CNTN5: variants seen among roughly 807,000 people sequenced by gnomAD.
CNTN5 encodes the protein contactin-5.
CNTN5 carries 77 observed loss-of-function variants against 129.1 expected under a neutral mutation model. The ratio of observed to expected loss-of-function variants is 0.60; its 90% CI spans 0.50 to 0.72. The LOEUF is 0.72. CNTN5 is among the 30% of genes least tolerant of loss of function. The pLI is 0.00. For synonymous variants in CNTN5, 509 were observed against 465.6 expected, an observed-to-expected ratio of 1.09 and a Z score of -1.20; for missense variants, 1,478 against 1,328.8, an observed-to-expected ratio of 1.11 and a Z score of -1.75.
rs578038928 is a variant in CNTN5 at position 99,669,900 on chromosome 11, T to C, written c.55+113631T>C. ...TCATAAGCAATAATGAAATATTCAG[T>C]TGCCAAAATCCAATGAGGGTTTTGG... is the stretch of plus-strand genomic sequence containing the variant. On this transcript the variant is annotated intron_variant, in intron 3 of 24. Transcript: ENST00000524871. Among the ~76,000 whole-genome samples, 4 of 152,302 alleles carry C rather than the reference T, an allele frequency of 2.6e-5. No homozygotes were observed. The South Asian group carries it at 8.3e-4, about 32-fold the overall frequency.
intron 3 of CNTN5, among the ~76,000 whole-genome samples, chr11:99,735,773 G>T (rs1014992229): frequency 1.3e-5 from 2 of 152,078 alleles, no homozygotes; most frequent in African/African-American, 4.8e-5. Flanking sequence ...ACCTCATACG[G>T]TTACCATCGT....
chr11:99,700,630 C>G (rs1044973514), intron 3 of CNTN5, among the ~76,000 whole-genome samples: 1 of 151,264 alleles, frequency 6.6e-6, no homozygotes, highest in Non-Finnish European at 1.5e-5. Context: ...ATAATAAAAG[C>G]CTTAATTTTG....
chr11:99,742,362 T>TATAC (rs1943913887), intron 3 of CNTN5, among the ~76,000 whole-genome samples: 1 of 85,520 alleles, frequency 1.2e-5, no homozygotes, highest in Admixed American at 1.2e-4. Context: ...TACATCAGAT[T>TATAC]GTACTTAACA....
chr11:99,857,753 G>A (rs1173601878), intron 6 of CNTN5, among the ~76,000 whole-genome samples: 1 of 151,978 alleles, frequency 6.6e-6, no homozygotes, highest in Non-Finnish European at 1.5e-5. Context: ...ACTGATTTTA[G>A]ATGTGATCCT....
intron 18 of CNTN5, among the ~76,000 whole-genome samples, chr11:100,291,815 A>G: frequency 6.6e-6 from 1 of 150,440 alleles, no homozygotes; most frequent in Admixed American, 6.6e-5. Context: ...AAAAATTAAA[A>G]AAAGGAAAAA....
At chr11:99,764,616 A>G (rs949107148) in intron 3 of CNTN5, among the ~76,000 whole-genome samples, 2 of 152,092 alleles carry the variant, frequency 1.3e-5, no homozygotes, top group Non-Finnish European at 2.9e-5. Flanking sequence ...GGGTTTCTTC[A>G]TGTTGGTCAG....
At chr11:100,351,140 C>CT (rs1165875745) in intron 24 of CNTN5, among the ~76,000 whole-genome samples, 1 of 151,512 alleles carries the variant, frequency 6.6e-6, no homozygotes, top group East Asian at 1.9e-4. Context: ...CAAGCAGTAC[C>CT]TTGCTAGCCA....
intron 2 of CNTN5, among the ~76,000 whole-genome samples, chr11:99,505,881 T>C (rs536495421): frequency 5.5e-4 from 83 of 152,292 alleles, no homozygotes; most frequent in African/African-American, 1.9e-3. Context: ...TGGTCATTGG[T>C]CCATAAATGA....
intron 4 of CNTN5, among the ~76,000 whole-genome samples, chr11:99,835,149 A>C (rs183656033): frequency 6.6e-6 from 1 of 152,340 alleles, no homozygotes; most frequent in African/African-American, 2.4e-5. Flanking sequence ...TGTGGCGGGT[A>C]AGATCAGTAC....
At chr11:99,844,805 CTTGCTAGT>C in intron 4 of CNTN5, 39 bp from the exon 5 acceptor site, 1 of 1,553,854 alleles carries the variant, frequency 6.4e-7, no homozygotes, top group African/African-American at 1.4e-5. Context: ...CACAAAATAT[CTTGCTAGT>C]TTAAGGAAAT....
chr11:99,550,460 G>A (rs573226494), intron 2 of CNTN5, among the ~76,000 whole-genome samples: 42 of 152,100 alleles, frequency 2.8e-4, no homozygotes, highest in African/African-American at 1.0e-3. Flanking sequence ...CCTTTTCTAT[G>A]AGCCCTATTC....
intron 1 of CNTN5, among the ~76,000 whole-genome samples, chr11:99,168,045 C>T (rs1449236244): frequency 2.0e-5 from 3 of 151,892 alleles, no homozygotes; most frequent in African/African-American, 4.8e-5. Flanking sequence ...AAAGGATTCC[C>T]CCCACTGCCT....
At chr11:99,114,424 T>TCTC (rs1565328094) in intron 1 of CNTN5, among the ~76,000 whole-genome samples, 1 of 151,466 alleles carries the variant, frequency 6.6e-6, no homozygotes, top group Non-Finnish European at 1.5e-5. Context: ...TCTTTCTCCT[T>TCTC]CTCCTCCTCC....
chr11:99,999,574 T>G (rs1013332439), intron 8 of CNTN5, among the ~76,000 whole-genome samples: 27 of 152,190 alleles, frequency 1.8e-4, no homozygotes, highest in Non-Finnish European at 3.7e-4. Flanking sequence ...GTAAACTAGT[T>G]CAACCATTGT....
intron 13 of CNTN5, among the ~76,000 whole-genome samples, chr11:100,137,444 T>C (rs910927075): frequency 1.3e-5 from 2 of 152,128 alleles, no homozygotes; most frequent in Non-Finnish European, 1.5e-5. Flanking sequence ...GGAACTCTCA[T>C]GGGGAAGAAA....
chr11:99,113,355 C>T (rs75252759), intron 1 of CNTN5, among the ~76,000 whole-genome samples: 4,928 of 151,874 alleles, frequency 0.032, 116 homozygotes, highest in South Asian at 0.067. Context: ...GAAAGCAGGA[C>T]CTAAGTTAAC....
At chr11:99,375,136 C>T (rs567225260) in intron 2 of CNTN5, among the ~76,000 whole-genome samples, 1 of 151,858 alleles carries the variant, frequency 6.6e-6, no homozygotes, top group South Asian at 2.1e-4. Context: ...AACTCTGTCT[C>T]TACTAAAAAC....
chr11:99,908,938 C>G (rs1949582009), intron 6 of CNTN5, among the ~76,000 whole-genome samples: 1 of 152,120 alleles, frequency 6.6e-6, no homozygotes, highest in East Asian at 1.9e-4. Flanking sequence ...AATGGCAAGC[C>G]ATAGCAAGAG....
rs565472842 is a variant in CNTN5, at chr11:99,999,019, A to T, written c.878-3015A>T. ...CAAAAATTAATTCAAGATGGAATAA[A>T]TACTTAAACGTTAGACCTAAAACCA... On this transcript the variant is annotated intron_variant, in intron 8 of 24. Transcript: ENST00000524871. Among the ~76,000 whole-genome samples the T allele has an allele frequency of 1.3e-4, 20 of 152,302 alleles. No homozygotes were observed. In the South Asian group the frequency reaches 3.9e-3, roughly 30 times the overall value.
Sources: allele counts gnomAD v4.1 joint callset (sites outside exome capture counted in the v4.1 genomes callset), GRCh38; gene constraint gnomAD v4.1.1; transcripts MANE v1.5; gene names NCBI Gene and HGNC (gene_info 2026-07-23, HGNC 2026-07-21).